The following CADM2 variants were observed in gnomAD, a reference collection of about 807,000 sequenced individuals.
CADM2 encodes cell adhesion molecule 2, also known as immunoglobulin superfamily member 4D.
CADM2 carries 12 observed loss-of-function variants against 49.8 expected under a neutral mutation model. The observed-to-expected ratio is 0.24, with a 90% CI of 0.15 to 0.39. The LOEUF (loss-of-function observed/expected upper bound fraction) is 0.39. CADM2 is among the 10% of genes least tolerant of loss of function. The probability of loss-of-function intolerance (pLI) is 1.00; values close to 1 mark genes in which losing one functional copy is unlikely to be tolerated. For synonymous variants in CADM2, 214 were observed against 175.4 expected, an observed-to-expected ratio of 1.22 and a Z score of -1.74; for missense variants, 378 against 492.3, an observed-to-expected ratio of 0.77 and a Z score of 2.20.
intron 1 of CADM2, among the ~76,000 whole-genome samples, chr3:85,391,220 A>G (rs945250400): frequency 6.6e-6 from 1 of 152,070 alleles, no homozygotes; most frequent in Non-Finnish European, 1.5e-5. Flanking sequence ...ATCTTAATGC[A>G]TTGATAAAGA....
At chr3:85,517,770 C>A (rs1201889568) in intron 1 of CADM2, among the ~76,000 whole-genome samples, 1 of 151,812 alleles carries the variant, frequency 6.6e-6, no homozygotes, top group Admixed American at 6.6e-5. Flanking sequence ...GTACTTATAC[C>A]CCATTTCCAA....
chr3:85,542,697 A>G (rs1302696906), intron 1 of CADM2, among the ~76,000 whole-genome samples: 4 of 152,220 alleles, frequency 2.6e-5, no homozygotes, highest in African/African-American at 4.8e-5. Flanking sequence ...CTGCAAAAAG[A>G]AAGAAAAACA....
intron 3 of CADM2, among the ~76,000 whole-genome samples, chr3:85,841,936 T>C (rs1179683582): frequency 1.3e-5 from 2 of 152,092 alleles, no homozygotes; most frequent in Non-Finnish European, 1.5e-5. Context: ...GGGCTTGTGA[T>C]TTGTAAAATT....
chr3:85,504,828 G>A (rs2107672150), intron 1 of CADM2, among the ~76,000 whole-genome samples: 1 of 152,314 alleles, frequency 6.6e-6, no homozygotes, highest in Non-Finnish European at 1.5e-5. Flanking sequence ...CCCGCGGGAA[G>A]GCAGCTAAGG....
chr3:85,342,683 G>GT (rs980772914), intron 1 of CADM2, among the ~76,000 whole-genome samples: 4 of 152,012 alleles, frequency 2.6e-5, no homozygotes, highest in Admixed American at 1.3e-4. Context: ...TTTAAACTTA[G>GT]TTTTTTCTCT....
rs146663925 is a variant in CADM2, at chr3:86,063,384, A to G, written c.971-2221A>G. Among the ~76,000 whole-genome samples, 23 of 152,322 alleles carry G rather than the reference A, an allele frequency of 1.5e-4. No homozygotes were observed. In the East Asian group the frequency reaches 1.5e-3, roughly 10 times the overall value. On this transcript the variant is annotated intron_variant, in intron 8 of 9. Coordinates refer to ENST00000383699, the MANE Select transcript of CADM2 (RefSeq NM_001167675.2). ...GTAATCAGGGATCTGTAGCAATTATAAAAACATGCCAGGCTGGCATTACAA... is the reference window on the plus strand; with the variant it reads ...GTAATCAGGGATCTGTAGCAATTATGAAAACATGCCAGGCTGGCATTACAA...
intron 1 of CADM2, among the ~76,000 whole-genome samples, chr3:85,013,754 C>A (rs752459489): frequency 6.7e-6 from 1 of 148,514 alleles, no homozygotes; most frequent in Non-Finnish European, 1.5e-5. Context: ...TGGTCAACTA[C>A]GGTCCAAAAA....
chr3:85,010,691 G>T (rs1255637466), intron 1 of CADM2, among the ~76,000 whole-genome samples: 1 of 151,010 alleles, frequency 6.6e-6, no homozygotes, highest in Non-Finnish European at 1.5e-5. Context: ...CCCCTCCTAT[G>T]GCAGGTATTA....
chr3:85,154,496 C>T (rs2040038443), intron 1 of CADM2, among the ~76,000 whole-genome samples: 1 of 152,052 alleles, frequency 6.6e-6, no homozygotes, highest in Admixed American at 6.6e-5. Flanking sequence ...GAGAATGGAA[C>T]CAAGTTGGAA....
chr3:85,200,712 G>A (rs1012118743), intron 1 of CADM2, among the ~76,000 whole-genome samples: 4 of 152,042 alleles, frequency 2.6e-5, no homozygotes, highest in Non-Finnish European at 5.9e-5. Flanking sequence ...ATTTAGCAGA[G>A]TACAAATAAA....
intron 1 of CADM2, among the ~76,000 whole-genome samples, chr3:85,099,729 CAAAGTGCTGGGA>C (rs1306107999): frequency 6.6e-5 from 10 of 152,180 alleles, no homozygotes; most frequent in Non-Finnish European, 1.5e-4. Context: ...CTCAGCCTCC[CAAAGTGCTGGGA>C]TTACAGGCAT....
chr3:85,289,624 C>T (rs1354382957), intron 1 of CADM2, among the ~76,000 whole-genome samples: 1 of 152,136 alleles, frequency 6.6e-6, no homozygotes, highest in African/African-American at 2.4e-5. Context: ...TGTCTACAGA[C>T]TTCAGGTGAA....
At chr3:85,049,877 T>A (rs2035814929) in intron 1 of CADM2, among the ~76,000 whole-genome samples, 1 of 152,150 alleles carries the variant, frequency 6.6e-6, no homozygotes, top group African/African-American at 2.4e-5. Context: ...TAATTTAATA[T>A]CACATTTTTT....
intron 1 of CADM2, among the ~76,000 whole-genome samples, chr3:84,991,119 G>T (rs1419563271): frequency 1.3e-5 from 2 of 151,918 alleles, no homozygotes; most frequent in African/African-American, 2.4e-5. Flanking sequence ...AAGCTCTTTT[G>T]TACTTATGCA....
At position 85,734,817 on chromosome 3, in the gene CADM2, A is replaced by G. The variant is rs575961829; in HGVS notation, c.88+8269A>G. Among the ~76,000 whole-genome samples the G allele has an allele frequency of 2.0e-5, 3 of 150,102 alleles. No individual in the cohort carries two copies. The East Asian group carries it at 5.9e-4, about 29-fold the overall frequency. ...CTTTTTCTGCCTTTTTTCTTTTTAA[A>G]TATAATAGACACGTTAAGGGAATCC... On this transcript the variant is annotated intron_variant, in intron 2 of 9. Coordinates refer to ENST00000383699, the MANE Select transcript of CADM2 (RefSeq NM_001167675.2).
chr3:85,211,031 T>A (rs968807221), intron 1 of CADM2, among the ~76,000 whole-genome samples: 1 of 152,160 alleles, frequency 6.6e-6, no homozygotes. Context: ...TGTGTAGGAA[T>A]TTATTTATTC....
chr3:85,093,311 G>A (rs1242710208), intron 1 of CADM2, among the ~76,000 whole-genome samples: 1 of 151,968 alleles, frequency 6.6e-6, no homozygotes, highest in Non-Finnish European at 1.5e-5. Flanking sequence ...AAGAGATCAA[G>A]ACCATCCTGG....
intron 1 of CADM2, among the ~76,000 whole-genome samples, chr3:85,094,199 C>T (rs1301036198): frequency 6.6e-6 from 1 of 152,028 alleles, no homozygotes; most frequent in Non-Finnish European, 1.5e-5. Context: ...AGGAAACAAA[C>T]ATGTATTTGA....
intron 1 of CADM2, among the ~76,000 whole-genome samples, chr3:84,973,189 A>T (rs1192485287): frequency 6.6e-6 from 1 of 152,208 alleles, no homozygotes; most frequent in Non-Finnish European, 1.5e-5. Context: ...CTGGGATTAC[A>T]GGCATGAGCC....
Sources: gnomAD v4.1 joint callset for allele counts (sites outside exome capture counted in the v4.1 genomes callset) on GRCh38, gnomAD v4.1.1 for gene constraint, MANE v1.5 for transcripts, NCBI Gene and HGNC (gene_info 2026-07-23, HGNC 2026-07-21) for gene names.